Variants in PVT1 observed in about 807,000 individuals in gnomAD.
PVT1 encodes Pvt1 oncogene.
intron 5 of PVT1, among the ~76,000 whole-genome samples, chr8:128,092,107 C>G (rs1353685369): frequency 6.6e-6 from 1 of 152,104 alleles, no homozygotes; most frequent in East Asian, 1.9e-4. Flanking sequence ...CCCAGCTGAC[C>G]CTCCCAGTGC....
intron 5 of PVT1, among the ~76,000 whole-genome samples, chr8:128,092,466 A>G (rs1318196515): frequency 1.3e-5 from 2 of 152,138 alleles, no homozygotes; most frequent in African/African-American, 4.8e-5. Flanking sequence ...CAGCCCCGGC[A>G]CCCTGGCCAT....
chr8:128,014,536 G>A lies in PVT1; in HGVS notation n.912+25245G>A, dbSNP rs189858781. ...GTACTTATTTCTGATAAGCTCTTTGGCTTCTGTGAAGCCGCCTGGCCGTGT... is the reference window on the plus strand; with the variant it reads ...GTACTTATTTCTGATAAGCTCTTTGACTTCTGTGAAGCCGCCTGGCCGTGT... On this transcript the variant is annotated intron_variant and non_coding_transcript_variant, in intron 4 of 10. Coordinates refer to ENST00000651587, the Ensembl canonical transcript of PVT1. 1.3e-4 allele frequency among the ~76,000 whole-genome samples: 20 copies of A among 152,292 alleles called. No individual in the cohort carries two copies. In the East Asian group the frequency reaches 3.7e-3, roughly 28 times the overall value.
At chr8:127,851,536 T>C (rs144157614) in intron 2 of PVT1, among the ~76,000 whole-genome samples, 4 of 152,254 alleles carry the variant, frequency 2.6e-5, no homozygotes, top group African/African-American at 7.2e-5. Flanking sequence ...CTAGCACCAA[T>C]TGGTCTGTAA....
chr8:127,825,290 T>C (rs1367093532), intron 2 of PVT1, among the ~76,000 whole-genome samples: 1 of 152,160 alleles, frequency 6.6e-6, no homozygotes, highest in Non-Finnish European at 1.5e-5. Flanking sequence ...TTTTTAAGGC[T>C]CTCAATGCAT....
chr8:127,868,927 G>C (rs539480405), intron 2 of PVT1, among the ~76,000 whole-genome samples: 1 of 150,706 alleles, frequency 6.6e-6, no homozygotes, highest in Admixed American at 6.7e-5. Flanking sequence ...GGCACACTTT[G>C]GTATTCAGGA....
chr8:127,795,718 T>C (rs1234571103), intron 1 of PVT1: 3 of 152,338 alleles, frequency 2.0e-5, no homozygotes, highest in East Asian at 3.8e-4. Flanking sequence ...AGGGACTGTG[T>C]CTGCTGTGTT....
chr8:127,935,848 TGGTTAG>T, intron 3 of PVT1, among the ~76,000 whole-genome samples: 1 of 152,220 alleles, frequency 6.6e-6, no homozygotes, highest in Non-Finnish European at 1.5e-5. Context: ...ATGACCATCC[TGGTTAG>T]GGTGGATTTG....
At chr8:127,962,259 C>T (rs1423134068) in intron 3 of PVT1, among the ~76,000 whole-genome samples, 2 of 152,232 alleles carry the variant, frequency 1.3e-5, no homozygotes, top group East Asian at 1.9e-4. Flanking sequence ...GCCACCGCTC[C>T]CGGCCATGAA....
intron 2 of PVT1, among the ~76,000 whole-genome samples, chr8:127,876,396 G>A (rs1438097234): frequency 1.3e-5 from 2 of 148,900 alleles, no homozygotes; most frequent in African/African-American, 2.6e-5. Flanking sequence ...GTGCTATTCT[G>A]ACAGGTTTTT....
At chr8:128,058,016 G>T (rs748466681) in intron 4 of PVT1, among the ~76,000 whole-genome samples, 94 of 152,202 alleles carry the variant, frequency 6.2e-4, no homozygotes, top group Non-Finnish European at 1.1e-3. Context: ...GTAAGAGGCT[G>T]GACCCTTCAT....
At chr8:127,863,364 C>A (rs1476279853) in intron 2 of PVT1, among the ~76,000 whole-genome samples, 1 of 152,196 alleles carries the variant, frequency 6.6e-6, no homozygotes, top group African/African-American at 2.4e-5. Context: ...TCTGCCTCAG[C>A]CTCCCAAAAT....
chr8:127,910,912 TGAGA>T (rs59712883), intron 3 of PVT1, among the ~76,000 whole-genome samples: 13 of 148,922 alleles, frequency 8.7e-5, no homozygotes, highest in East Asian at 4.0e-4. Flanking sequence ...TGTGTGTGTG[TGAGA>T]GAGAGAGAGA....
intron 3 of PVT1, among the ~76,000 whole-genome samples, chr8:127,922,832 TG>T (rs1428329944): frequency 6.6e-5 from 10 of 152,238 alleles, no homozygotes; most frequent in Admixed American, 6.5e-4. Flanking sequence ...TTGAAGATTC[TG>T]GCAACCTCTT....
At chr8:127,852,769 A>T (rs1340777045) in intron 2 of PVT1, among the ~76,000 whole-genome samples, 3 of 152,074 alleles carry the variant, frequency 2.0e-5, no homozygotes, top group Non-Finnish European at 2.9e-5. Context: ...CTCCATCCAC[A>T]CAGCAGCCTG....
In PVT1 at chr8:128,081,355, C is replaced by T. The variant is rs1814174702; in HGVS notation, n.1114+10994C>T. On this transcript the variant is annotated intron_variant and non_coding_transcript_variant, in intron 5 of 10. Transcript: ENST00000651587. ...TACAAATAAAGGTGCTACAGACATT[C>T]GTACATAGGTTTTTGTGGGAAGAGG... Among the ~76,000 whole-genome samples the T allele has an allele frequency of 2.0e-5, 3 of 152,158 alleles. No homozygotes were observed. In the South Asian group the frequency reaches 6.2e-4, roughly 32 times the overall value.
At position 127,984,381 on chromosome 8, in the gene PVT1, A is replaced by G. The variant is rs1421599673; in HGVS notation, n.783-4781A>G. On this transcript the variant is annotated intron_variant and non_coding_transcript_variant, in intron 3 of 10. Transcript: ENST00000651587. The stretch of plus-strand genomic sequence containing the variant: ...CATCGGGAAGTAGAGTGGTTTGTCA[A>G]TAGTCACATTCCCAGCAAGTGGCAG... Among the ~76,000 whole-genome samples, 11 of 152,324 alleles carry G rather than the reference A, an allele frequency of 7.2e-5. No individual in the cohort carries two copies. In the East Asian group the frequency reaches 1.2e-3, roughly 16 times the overall value.
chr8:127,842,488 A>G (rs1283805975), intron 2 of PVT1, among the ~76,000 whole-genome samples: 1 of 150,650 alleles, frequency 6.6e-6, no homozygotes, highest in East Asian at 1.9e-4. Flanking sequence ...CTGGTCTTGA[A>G]CTCCTGGCTT....
intron 2 of PVT1, among the ~76,000 whole-genome samples, chr8:127,867,366 G>C (rs1815296881): frequency 6.6e-6 from 1 of 152,246 alleles, no homozygotes; most frequent in East Asian, 1.9e-4. Context: ...CTCCTCCGCA[G>C]TTAGAGGGGT....
rs112044556 is a variant in PVT1 at position 127,877,467 on chromosome 8, G to A, written n.373-13122G>A. Among the ~76,000 whole-genome samples, 59 of 151,968 alleles carry A rather than the reference G, an allele frequency of 3.9e-4. 1 individual carries two copies. The highest frequency in any genetic ancestry group is 1.2e-3 in the African/African-American group (51 of 41,344). On this transcript the variant is annotated intron_variant and non_coding_transcript_variant, in intron 2 of 10. Transcript: ENST00000651587. Reference sequence around the variant, plus strand: ...TGACATTAGCCCCAACCTCTACCCCGAGGGTCTCTCTCTCTCTCTTCCCAA... The same window carrying A: ...TGACATTAGCCCCAACCTCTACCCCAAGGGTCTCTCTCTCTCTCTTCCCAA...
Sources: gnomAD v4.1 joint callset for allele counts (sites outside exome capture counted in the v4.1 genomes callset) on GRCh38, gnomAD v4.1.1 for gene constraint, MANE v1.5 for transcripts, NCBI Gene and HGNC (gene_info 2026-07-23, HGNC 2026-07-21) for gene names.